ARHGAP6: variants seen among roughly 807,000 people sequenced by gnomAD.
The protein encoded by ARHGAP6 is Rho GTPase activating protein 6.
ARHGAP6 carries 16 observed loss-of-function variants against 55.7 expected under a neutral mutation model. The observed-to-expected ratio is 0.29, with a 90% CI of 0.19 to 0.44. The LOEUF (loss-of-function observed/expected upper bound fraction) is 0.44. Ranked by LOEUF, ARHGAP6 falls within the 20% of genes least tolerant of loss-of-function variation. The pLI, the probability that ARHGAP6 is intolerant of heterozygous loss-of-function variation, is 1.00. For synonymous variants in ARHGAP6, 382 were observed against 360.9 expected, an observed-to-expected ratio of 1.06 and a Z score of -0.66; for missense variants, 698 against 808.9, an observed-to-expected ratio of 0.86 and a Z score of 1.66.
intron 1 of ARHGAP6, among the ~76,000 whole-genome samples, chrX:11,375,577 A>T (rs2049191575): frequency 1.8e-5 from 2 of 111,956 alleles, no homozygotes; most frequent in South Asian, 7.4e-4. Flanking sequence ...AGATTTTAGC[A>T]GGAGCTCCAA....
chrX:11,309,834 T>C (rs2048276410), intron 1 of ARHGAP6, among the ~76,000 whole-genome samples: 1 of 111,371 alleles, frequency 9.0e-6, no homozygotes, highest in South Asian at 3.8e-4. Context: ...TATGAAAAGA[T>C]GCTTGATATC....
In ARHGAP6 at chrX:11,590,804, A is replaced by AAGAAAAGAAAAGAAT. The variant is rs1443222772; in HGVS notation, c.588+73436_588+73437insATTCTTTTCTTTTCT. 2.6e-4 allele frequency among the ~76,000 whole-genome samples: 12 copies of AAGAAAAGAAAAGAAT among 46,790 alleles called. 1 individual carries two copies. Among genetic ancestry groups the AAGAAAAGAAAAGAAT allele is most frequent in the African/African-American group, 1.5e-3 (12 of 7,815 alleles). The allele number at this position is 46,790 out of a possible 115,157, so 40.6% of individuals were successfully genotyped here. A position where few individuals can be genotyped will look rare whatever the true frequency, so the allele number is the denominator to read the frequency against. On this transcript the variant is annotated intron_variant, in intron 1 of 12. Transcript: ENST00000337414. Reference sequence around the variant, plus strand: ...AAGAAAAGAAAAGAAAAGAAAAGAAAAGAAAAGAAAAGAAAAGAAAAGAAA... The same window carrying AAGAAAAGAAAAGAAT: ...AAGAAAAGAAAAGAAAAGAAAAGAAAAGAAAAGAAAAGAATAGAAAAGAAAAGAAAAGAAAAGAAA...
intron 1 of ARHGAP6, among the ~76,000 whole-genome samples, chrX:11,410,933 G>A (rs1469878879): frequency 9.3e-6 from 1 of 107,821 alleles, no homozygotes; most frequent in Non-Finnish European, 1.9e-5. Flanking sequence ...TGGGAATAGG[G>A]TGTTACCACT....
At chrX:11,583,441 T>C (rs2051687918) in intron 1 of ARHGAP6, among the ~76,000 whole-genome samples, 1 of 112,436 alleles carries the variant, frequency 8.9e-6, no homozygotes, top group Admixed American at 9.5e-5. Context: ...ACATATGGCC[T>C]ACACAGCCAA....
In ARHGAP6 at chrX:11,213,366, G is replaced by C. The variant is rs764372079; in HGVS notation, c.749-16370C>G. ...GACTAAATGTTTCTCCCCAGCATATGTCACTCTATTCAATCCACCAATCCC... is the reference window on the plus strand; with the variant it reads ...GACTAAATGTTTCTCCCCAGCATATCTCACTCTATTCAATCCACCAATCCC... On this transcript the variant is annotated intron_variant, in intron 2 of 12. Transcript: ENST00000337414. Among the ~76,000 whole-genome samples the C allele has an allele frequency of 1.2e-4, 14 of 112,384 alleles. 1 individual carries two copies. The East Asian group carries it at 3.9e-3, about 31-fold the overall frequency.
chrX:11,174,132 A>C (rs772954373), intron 8 of ARHGAP6, among the ~76,000 whole-genome samples: 1 of 110,804 alleles, frequency 9.0e-6, no homozygotes, highest in African/African-American at 3.3e-5. Context: ...ATAATAAATA[A>C]CTCCTCTCTT....
At chrX:11,315,564 G>A (rs1458752851) in intron 1 of ARHGAP6, among the ~76,000 whole-genome samples, 30 of 111,793 alleles carry the variant, frequency 2.7e-4, no homozygotes, top group Non-Finnish European at 1.5e-4. Flanking sequence ...GGCAGGAAGA[G>A]GCTTCCTGGC....
chrX:11,223,579 C>T (rs762370616), intron 2 of ARHGAP6, among the ~76,000 whole-genome samples: 40 of 111,631 alleles, frequency 3.6e-4, no homozygotes, highest in Admixed American at 1.8e-3. Flanking sequence ...ATGTCTTCAA[C>T]GTTTAGTCTG....
intron 1 of ARHGAP6, among the ~76,000 whole-genome samples, chrX:11,589,202 CG>C (rs1227059618): frequency 9.3e-6 from 1 of 107,663 alleles, no homozygotes; most frequent in African/African-American, 3.4e-5. Context: ...CCACCACGCC[CG>C]GCTAATTTTT....
At chrX:11,518,630 C>T (rs1362628663) in intron 1 of ARHGAP6, among the ~76,000 whole-genome samples, 2 of 97,989 alleles carry the variant, frequency 2.0e-5, no homozygotes, top group African/African-American at 7.4e-5. Context: ...CAACAGTGCA[C>T]TTTTTTTTTT....
At chrX:11,378,107 A>G (rs2049223253) in intron 1 of ARHGAP6, among the ~76,000 whole-genome samples, 1 of 111,980 alleles carries the variant, frequency 8.9e-6, no homozygotes, top group Admixed American at 9.4e-5. Flanking sequence ...AAAGAAGAGG[A>G]GGATGCTACC....
rs767766397 is a variant in ARHGAP6 at position 11,664,675 on chromosome X, C to G, written c.154G>C (p.Gly52Arg). The G allele has an allele frequency of 2.6e-6, 3 of 1,166,843 alleles. No homozygotes were observed. The highest frequency in any genetic ancestry group is 3.2e-5 in the East Asian group (1 of 31,477). The change falls in exon 1 of 13, where the codon GGC becomes CGC. Residue 52 changes from glycine (G) to arginine (R), a missense_variant. Physicochemically the swap from Gly to Arg is moderately radical, Grantham distance 125. Around this residue, in one of 3 missense-constraint regions of ARHGAP6, gnomAD observed 164 missense variants for 149.2 expected, o/e 1.10. Coordinates refer to ENST00000337414, the MANE Select transcript of ARHGAP6 (RefSeq NM_013427.3). ...GCTCCCCGCGCACTGCCCTCCGCGCCCGCCTCGTCGCTCCCGCAGCCGCCG... is the reference window on the plus strand; with the variant it reads ...GCTCCCCGCGCACTGCCCTCCGCGCGCGCCTCGTCGCTCCCGCAGCCGCCG... ...LIGGCGSDEAGAEGSARGATA... is the reference protein window; with the variant it reads ...LIGGCGSDEARAEGSARGATA...
At chrX:11,179,208 A>G (rs892503722) in intron 7 of ARHGAP6, 94 bp downstream of exon 7, 6 of 904,350 alleles carry the variant, frequency 6.6e-6, no homozygotes, top group Non-Finnish European at 8.9e-6. Flanking sequence ...AAGGACAAAA[A>G]GTTATCAGGA....
At chrX:11,604,548 C>T (rs1167256163) in intron 1 of ARHGAP6, among the ~76,000 whole-genome samples, 4 of 111,635 alleles carry the variant, frequency 3.6e-5, no homozygotes, top group Non-Finnish European at 7.5e-5. Context: ...TAAATAGCTG[C>T]TATTTATTGT....
chrX:11,183,926 T>G (rs137904496), intron 5 of ARHGAP6, among the ~76,000 whole-genome samples: 1 of 112,251 alleles, frequency 8.9e-6, no homozygotes, highest in African/African-American at 3.2e-5. Context: ...GAGCATCATG[T>G]ATATTAATTC....
In ARHGAP6 at chrX:11,138,823, C is replaced by G; in HGVS notation, c.*40G>C. 2 of 1,144,350 alleles carry G rather than the reference C, an allele frequency of 1.7e-6. No homozygotes were observed. The highest frequency in any genetic ancestry group is 2.3e-6 in the Non-Finnish European group (2 of 863,566). The allele number at this position is 1,144,350 out of a possible 1,213,427, so 94.3% of individuals were successfully genotyped here. ...CCACGGTCCCCCCTGGGCTGGAGGG[C>G]GGGGGGCTCGGGGCAGGGGGGGCTC... On this transcript the variant is annotated 3_prime_UTR_variant, in exon 13 of 13. Coordinates refer to ENST00000337414, the MANE Select transcript of ARHGAP6 (RefSeq NM_013427.3).
intron 1 of ARHGAP6, among the ~76,000 whole-genome samples, chrX:11,475,774 G>C (rs1446718619): frequency 9.6e-6 from 1 of 104,622 alleles, no homozygotes; most frequent in African/African-American, 3.5e-5. Flanking sequence ...CTCATGAAAA[G>C]ACATCATTGC....
At chrX:11,307,172 T>A (rs2048246759) in intron 1 of ARHGAP6, among the ~76,000 whole-genome samples, 1 of 111,078 alleles carries the variant, frequency 9.0e-6, no homozygotes, top group African/African-American at 3.3e-5. Context: ...GACCCAGGCC[T>A]TGGCCCTCCG....
intron 1 of ARHGAP6, among the ~76,000 whole-genome samples, chrX:11,462,586 C>T (rs1290434928): frequency 8.9e-6 from 1 of 112,426 alleles, no homozygotes; most frequent in East Asian, 2.8e-4. Flanking sequence ...TACCATCGTG[C>T]TGTGTTTGAC....
Sources: gnomAD v4.1 joint callset for allele counts (sites outside exome capture counted in the v4.1 genomes callset) on GRCh38, gnomAD v4.1.1 for gene constraint, gnomAD v4.1.1 regional missense constraint, MANE v1.5 for transcripts, NCBI Gene and HGNC (gene_info 2026-07-23, HGNC 2026-07-21) for gene names.